The following NAALADL2 variants were observed in gnomAD, a reference collection of about 807,000 sequenced individuals.
The protein encoded by NAALADL2 is inactive N-acetylated-alpha-linked acidic dipeptidase-like protein 2.
A neutral mutation model predicts 87.2 loss-of-function variants in NAALADL2; 76 were observed. That is an observed-to-expected ratio of 0.87 (90% CI 0.72 to 1.05). NAALADL2 has a LOEUF of 1.05. Ranked by LOEUF, NAALADL2 falls within the 50% of genes least tolerant of loss-of-function variation. The pLI, the probability that NAALADL2 is intolerant of heterozygous loss-of-function variation, is 0.00. For synonymous variants in NAALADL2, 354 were observed against 331.0 expected (o/e 1.07, Z -0.75); for missense variants, 1,089 against 945.8 (o/e 1.15, Z -1.99).
chr3:175,429,826 C>T (rs960725278), intron 5 of NAALADL2, among the ~76,000 whole-genome samples: 3 of 151,686 alleles, frequency 2.0e-5, no homozygotes, highest in Non-Finnish European at 2.9e-5. Flanking sequence ...GCCTTCCTTA[C>T]AGAGTGAAAA....
intron 13 of NAALADL2, among the ~76,000 whole-genome samples, chr3:175,787,188 A>T (rs1752120796): frequency 6.6e-6 from 1 of 152,304 alleles, no homozygotes; most frequent in Admixed American, 6.5e-5. Context: ...CTGCCCCCAG[A>T]GGTGGAGCCT....
intron 2 of NAALADL2, among the ~76,000 whole-genome samples, chr3:175,142,589 C>G (rs557540709): frequency 6.6e-6 from 1 of 151,224 alleles, no homozygotes; most frequent in African/African-American, 2.5e-5. Flanking sequence ...CTATTCCCAA[C>G]CGTCCTCTAT....
intron 12 of NAALADL2, among the ~76,000 whole-genome samples, chr3:175,742,737 A>G (rs1449247194): frequency 6.6e-6 from 1 of 152,030 alleles, no homozygotes; most frequent in Admixed American, 6.5e-5. Context: ...AGCCTTCAGA[A>G]ATGAAAACCC....
intron 1 of NAALADL2, among the ~76,000 whole-genome samples, chr3:174,906,667 A>T (rs1195233997): frequency 6.6e-6 from 1 of 152,136 alleles, no homozygotes; most frequent in African/African-American, 2.4e-5. Flanking sequence ...CATGCTTCAT[A>T]TAAGACCACA....
At chr3:174,734,585 A>G (rs1294945753) in intron 2 of NAALADL2, among the ~76,000 whole-genome samples, 2 of 152,194 alleles carry the variant, frequency 1.3e-5, no homozygotes, top group Admixed American at 6.5e-5. Flanking sequence ...TAGGGCTTCA[A>G]CATACGAATT....
At chr3:174,786,177 A>G (rs1435687886) in intron 3 of NAALADL2, among the ~76,000 whole-genome samples, 2 of 152,146 alleles carry the variant, frequency 1.3e-5, no homozygotes, top group Non-Finnish European at 2.9e-5. Context: ...TTGGCCAGGC[A>G]TGGTGACTCA....
intron 1 of NAALADL2, among the ~76,000 whole-genome samples, chr3:174,937,546 T>C (rs1240348134): frequency 6.6e-6 from 1 of 152,090 alleles, no homozygotes; most frequent in Non-Finnish European, 1.5e-5. Flanking sequence ...TTCATGGAGC[T>C]ATTTGTATCT....
At chr3:175,750,524 T>C (rs942990293) in intron 12 of NAALADL2, among the ~76,000 whole-genome samples, 6 of 152,178 alleles carry the variant, frequency 3.9e-5, no homozygotes, top group African/African-American at 1.4e-4. Context: ...GGATTTGGAT[T>C]GGAGGGAGAT....
chr3:175,172,255 T>A (rs1172146927), intron 2 of NAALADL2, among the ~76,000 whole-genome samples: 1 of 139,148 alleles, frequency 7.2e-6, no homozygotes, highest in Non-Finnish European at 1.7e-5. Flanking sequence ...AAGATATGTA[T>A]CTTCATATAT....
intron 5 of NAALADL2, among the ~76,000 whole-genome samples, chr3:175,366,921 T>G (rs567002879): frequency 0.02 from 3,015 of 151,240 alleles, 44 homozygotes; most frequent in Non-Finnish European, 0.029. Context: ...GTTTTAGACT[T>G]GAAGTCCTTG....
rs4504174 is a variant in NAALADL2, at chr3:175,052,546, C to T, written c.44-44244C>T. Among the ~76,000 whole-genome samples the T allele has an allele frequency of 3.3e-5, 5 of 152,078 alleles. No homozygotes were observed. The East Asian group carries it at 7.8e-4, about 24-fold the overall frequency. ...TAAAATCACAATCATCATTGAAATC[C>T]CAGAGCTTCCAAGTGTTTTTATCCA... On this transcript the variant is annotated intron_variant, in intron 1 of 13. Transcript: ENST00000454872.
At chr3:174,487,647 G>T (rs538500171) in intron 1 of NAALADL2, among the ~76,000 whole-genome samples, 1 of 151,624 alleles carries the variant, frequency 6.6e-6, no homozygotes, top group African/African-American at 2.4e-5. Flanking sequence ...CAGTCCCAGA[G>T]AAAATAATTA....
chr3:175,706,892 G>T (rs1739803546), intron 11 of NAALADL2, among the ~76,000 whole-genome samples: 1 of 152,028 alleles, frequency 6.6e-6, no homozygotes, highest in Admixed American at 6.6e-5. Context: ...TCATAATAAT[G>T]ATCATATGCA....
At chr3:175,007,013 TATTC>T (rs1182744386) in intron 1 of NAALADL2, among the ~76,000 whole-genome samples, 1 of 151,852 alleles carries the variant, frequency 6.6e-6, no homozygotes, top group African/African-American at 2.4e-5. Flanking sequence ...AAATTAACCT[TATTC>T]ATAGCTCATT....
At chr3:175,486,759 T>C (rs1727336587) in intron 9 of NAALADL2, among the ~76,000 whole-genome samples, 1 of 152,148 alleles carries the variant, frequency 6.6e-6, no homozygotes, top group Non-Finnish European at 1.5e-5. Flanking sequence ...TTCTGTGCGA[T>C]ATCAGGCACC....
In NAALADL2 at chr3:175,786,277, A is replaced by G. The variant is rs530893013; in HGVS notation, c.2190-16728A>G. The stretch of plus-strand genomic sequence containing the variant: ...TGCTAGATTGGGGAAGTTCTCCTGG[A>G]TAATATCCTGCAAAGTGTTTTCCAA... On this transcript the variant is annotated intron_variant, in intron 13 of 13. Transcript: ENST00000454872. Among the ~76,000 whole-genome samples, 620 of 151,914 alleles carry G rather than the reference A, an allele frequency of 4.1e-3. 4 individuals carry two copies. Among genetic ancestry groups the G allele is most frequent in the African/African-American group, 0.014 (596 of 41,456 alleles).
chr3:175,675,766 T>A (rs1182897695), intron 11 of NAALADL2: 1 of 152,182 alleles, frequency 6.6e-6, no homozygotes, highest in Non-Finnish European at 1.5e-5. Flanking sequence ...AGGTCACCTG[T>A]CTCTTCTTAT....
At chr3:175,143,383 A>C (rs761286738) in intron 2 of NAALADL2, among the ~76,000 whole-genome samples, 2 of 151,902 alleles carry the variant, frequency 1.3e-5, no homozygotes, top group African/African-American at 4.8e-5. Flanking sequence ...TCCTCTGAAA[A>C]ATTTTAAATT....
intron 11 of NAALADL2, among the ~76,000 whole-genome samples, chr3:175,731,957 CCTT>C (rs568828847): frequency 2.9e-4 from 44 of 152,126 alleles, no homozygotes; most frequent in African/African-American, 1.0e-3. Context: ...CAATCAGAAT[CCTT>C]CTTAATTTCT....
Sources: gnomAD v4.1 joint callset for allele counts (sites outside exome capture counted in the v4.1 genomes callset) on GRCh38, gnomAD v4.1.1 for gene constraint, MANE v1.5 for transcripts, NCBI Gene and HGNC (gene_info 2026-07-23, HGNC 2026-07-21) for gene names.